Variants in RUNDC3B observed in about 807,000 individuals in gnomAD.
The protein encoded by RUNDC3B is RUN domain containing 3B.
A neutral mutation model predicts 58.4 loss-of-function variants in RUNDC3B; 33 were observed. That is an observed-to-expected ratio of 0.56 (90% confidence interval 0.43 to 0.75). The LOEUF (loss-of-function observed/expected upper bound fraction) is 0.75, where lower values mean the gene tolerates loss of function less well. RUNDC3B is among the 30% of genes least tolerant of loss of function. The pLI is 0.00. For missense variants in RUNDC3B, 501 were observed against 535.7 expected (o/e 0.94, Z 0.64); for synonymous variants, 193 against 195.2 (o/e 0.99, Z 0.10).
intron 8 of RUNDC3B, among the ~76,000 whole-genome samples, chr7:87,794,524 G>A (rs1030365682): frequency 1.4e-4 from 21 of 151,662 alleles, no homozygotes; most frequent in Admixed American, 7.9e-4. Flanking sequence ...CATGTTCATG[G>A]ATTAGGATAA....
chr7:87,645,705 T>C (rs1822935660), intron 1 of RUNDC3B, among the ~76,000 whole-genome samples: 1 of 152,210 alleles, frequency 6.6e-6, no homozygotes, highest in Admixed American at 6.5e-5. Flanking sequence ...TAAAATTCTT[T>C]CTACAGGTTT....
At chr7:87,751,917 T>C (rs994250446) in intron 6 of RUNDC3B, among the ~76,000 whole-genome samples, 11 of 152,302 alleles carry the variant, frequency 7.2e-5, no homozygotes, top group African/African-American at 2.2e-4. Context: ...CTATGTTGAA[T>C]AGGAGTGGTG....
chr7:87,816,760 C>A (rs748725802), intron 10 of RUNDC3B, among the ~76,000 whole-genome samples: 1 of 152,174 alleles, frequency 6.6e-6, no homozygotes, highest in Non-Finnish European at 1.5e-5. Context: ...TGTGCAATAT[C>A]AGCCTCTCTT....
chr7:87,720,023 G>A (rs1830780303), intron 4 of RUNDC3B, among the ~76,000 whole-genome samples: 1 of 147,990 alleles, frequency 6.8e-6, no homozygotes, highest in African/African-American at 2.5e-5. Flanking sequence ...GAAAAACTTT[G>A]CAAAGCAAAA....
intron 4 of RUNDC3B, among the ~76,000 whole-genome samples, chr7:87,732,302 T>G (rs1831629936): frequency 6.6e-6 from 1 of 151,762 alleles, no homozygotes; most frequent in Admixed American, 6.6e-5. Context: ...ATCAAAAAAG[T>G]AGAAAAACTT....
intron 4 of RUNDC3B, among the ~76,000 whole-genome samples, chr7:87,731,292 A>G (rs1197587072): frequency 6.6e-6 from 1 of 152,216 alleles, no homozygotes; most frequent in Non-Finnish European, 1.5e-5. Flanking sequence ...AAAATATAAA[A>G]CAATAAATTA....
intron 10 of RUNDC3B, among the ~76,000 whole-genome samples, chr7:87,821,692 G>T (rs948942009): frequency 2.6e-5 from 4 of 152,142 alleles, no homozygotes; most frequent in South Asian, 2.1e-4. Context: ...CCAAAACAGA[G>T]ATATAGATCA....
chr7:87,689,381 A>G (rs961794708), intron 2 of RUNDC3B, among the ~76,000 whole-genome samples: 1 of 152,126 alleles, frequency 6.6e-6, no homozygotes, highest in Non-Finnish European at 1.5e-5. Context: ...GCAAATTAGC[A>G]TAGAGCAATT....
intron 2 of RUNDC3B, among the ~76,000 whole-genome samples, chr7:87,671,354 G>T (rs1358099515): frequency 6.6e-6 from 1 of 152,170 alleles, no homozygotes; most frequent in African/African-American, 2.4e-5. Flanking sequence ...CCTGTCCAGG[G>T]AGTTGCCAAG....
intron 8 of RUNDC3B, among the ~76,000 whole-genome samples, chr7:87,792,922 A>G (rs1835604269): frequency 6.6e-6 from 1 of 152,104 alleles, no homozygotes; most frequent in African/African-American, 2.4e-5. Flanking sequence ...TTGTTTTGAA[A>G]AGATAAACAA....
In RUNDC3B at chr7:87,632,967, G is replaced by C. The variant is rs544309543; in HGVS notation, c.122+4022G>C. 3.3e-5 allele frequency among the ~76,000 whole-genome samples: 5 copies of C among 152,282 alleles called. No homozygotes were observed. In the East Asian group the frequency reaches 9.6e-4, roughly 29 times the overall value. Reference sequence around the variant, plus strand: ...GAGGGACTAATAAGAGGAATATAAGGAGTAGTGTGATAAGCACGGTGGAGA... The same window carrying C: ...GAGGGACTAATAAGAGGAATATAAGCAGTAGTGTGATAAGCACGGTGGAGA... On this transcript the variant is annotated intron_variant, in intron 1 of 10. Transcript: ENST00000394654.
chr7:87,738,760 G>C (rs1268680848), intron 4 of RUNDC3B, among the ~76,000 whole-genome samples: 1 of 151,674 alleles, frequency 6.6e-6, no homozygotes, highest in Non-Finnish European at 1.5e-5. Context: ...TAATTTATGG[G>C]TTTTTTTGCA....
intron 3 of RUNDC3B, among the ~76,000 whole-genome samples, chr7:87,703,322 TA>T (rs1489862463): frequency 4.6e-5 from 7 of 152,288 alleles, no homozygotes; most frequent in East Asian, 1.9e-4. Context: ...AAATATTTTG[TA>T]AGCACGAACT....
At chr7:87,749,517 T>C (rs750907712) in intron 6 of RUNDC3B, among the ~76,000 whole-genome samples, 4 of 152,200 alleles carry the variant, frequency 2.6e-5, no homozygotes, top group Non-Finnish European at 5.9e-5. Flanking sequence ...TCATGGAGTT[T>C]TTATTTTTAG....
intron 8 of RUNDC3B, among the ~76,000 whole-genome samples, chr7:87,785,704 A>C (rs1338432483): frequency 6.6e-6 from 1 of 152,158 alleles, no homozygotes; most frequent in Non-Finnish European, 1.5e-5. Flanking sequence ...CTGGCTCTGC[A>C]GTCAGTAGGG....
At chr7:87,768,379 T>C (rs1396537159) in intron 6 of RUNDC3B, among the ~76,000 whole-genome samples, 1 of 152,200 alleles carries the variant, frequency 6.6e-6, no homozygotes, top group Non-Finnish European at 1.5e-5. Context: ...TGGTCCCCTC[T>C]GGTTGCAGAT....
Position 87,807,510 on chromosome 7 carries a change from A to G in RUNDC3B, c.1094A>G (p.Gln365Arg), listed in dbSNP as rs1406062481. Residue 365 changes from glutamine (Q) to arginine (R), a missense_variant, in exon 9 of 11, where the codon CAG (glutamine) becomes CGG (arginine). Physicochemically the swap from Gln to Arg is conservative, Grantham distance 43. Transcript: ENST00000394654. ...DTLLYRKHNK[Q>R]WYEKSYQSLD... ...TTGCTTTACCGAAAACACAATAAACAGTGGTATGAGTAAGTGTAATACTTT... is the reference window on the plus strand; with the variant it reads ...TTGCTTTACCGAAAACACAATAAACGGTGGTATGAGTAAGTGTAATACTTT... The G allele has an allele frequency of 6.2e-7, 1 of 1,612,420 alleles. No individual in the cohort carries two copies. Among genetic ancestry groups the G allele is most frequent in the Non-Finnish European group, 8.5e-7 (1 of 1,178,512 alleles).
intron 2 of RUNDC3B, among the ~76,000 whole-genome samples, chr7:87,679,195 C>A (rs1826679449): frequency 6.8e-6 from 1 of 147,558 alleles, no homozygotes; most frequent in Admixed American, 6.8e-5. Flanking sequence ...TGGGTTCACA[C>A]CATTCTCCTG....
intron 8 of RUNDC3B, among the ~76,000 whole-genome samples, chr7:87,785,088 G>A (rs1226636239): frequency 6.6e-6 from 1 of 152,042 alleles, no homozygotes; most frequent in Non-Finnish European, 1.5e-5. Flanking sequence ...TAGCTCGTGT[G>A]GTGCCTGCAG....
Sources: allele counts gnomAD v4.1 joint callset (sites outside exome capture counted in the v4.1 genomes callset), GRCh38; gene constraint gnomAD v4.1.1; transcripts MANE v1.5; gene names NCBI Gene and HGNC (gene_info 2026-07-23, HGNC 2026-07-21).